The following NCOA1 variants were observed in gnomAD, a reference collection of about 807,000 sequenced individuals.
NCOA1 encodes nuclear receptor coactivator 1, also known as Hin-2 protein.
NCOA1 carries 35 observed loss-of-function variants against 150.9 expected under a neutral mutation model. The observed-to-expected ratio is 0.23, with a 90% CI of 0.18 to 0.31. The LOEUF (loss-of-function observed/expected upper bound fraction) is 0.31. Among genes scored for constraint, NCOA1 ranks in the 10% least tolerant of loss-of-function variants. The pLI is 1.00. For missense variants in NCOA1, 1,491 were observed against 1,749.3 expected (o/e 0.85, Z 2.63); for synonymous variants, 590 against 630.0 (o/e 0.94, Z 0.95).
At chr2:24,550,292 A>T (rs1665772957) in intron 1 of NCOA1, among the ~76,000 whole-genome samples, 1 of 152,176 alleles carries the variant, frequency 6.6e-6, no homozygotes, top group Non-Finnish European at 1.5e-5. Context: ...GAACCAACTT[A>T]CCATATTAGT....
chr2:24,728,416 C>T lies in NCOA1; in HGVS notation c.2826C>T (p.Gly942=), dbSNP rs757804347. The change falls in exon 16 of 23, where the codon GGC becomes GGT. Residue 942 remains glycine (G), a synonymous_variant. Transcript: ENST00000348332. ...LLEQLVSFLS[G]KDETELAELD... ...AACAGCTGGTATCCTTCCTTAGTGG[C>T]AAAGATGAAACTGAGCTAGCTGAAC... The T allele has an allele frequency of 6.2e-7, 1 of 1,613,794 alleles. No individual in the cohort carries two copies. Among genetic ancestry groups the T allele is most frequent in the South Asian group, 1.1e-5 (1 of 91,066 alleles).
chr2:24,747,977 A>G (rs886501631), intron 19 of NCOA1, among the ~76,000 whole-genome samples: 6 of 151,704 alleles, frequency 4.0e-5, no homozygotes, highest in African/African-American at 1.5e-4. Context: ...GTGGTGGCGC[A>G]TGCCTGTAAT....
At chr2:24,629,813 C>CATGCAT (rs1396224101) in intron 3 of NCOA1, among the ~76,000 whole-genome samples, 11 of 77,348 alleles carry the variant, frequency 1.4e-4, no homozygotes, top group Admixed American at 9.1e-4. Context: ...AAGTAACATA[C>CATGCAT]ATACATATAT....
rs1264187335 is a variant in NCOA1 at position 24,665,809 on chromosome 2, G to A, written c.150G>A (p.Leu50=). 3 of 1,604,906 alleles carry A rather than the reference G, an allele frequency of 1.9e-6. No homozygotes were observed. Among genetic ancestry groups the A allele is most frequent in the Non-Finnish European group, 2.6e-6 (3 of 1,175,396 alleles). The change falls in exon 6 of 23, where the codon CTG becomes CTA. Residue 50 remains leucine, a synonymous_variant. Coordinates refer to ENST00000348332, the MANE Select transcript of NCOA1 (RefSeq NM_003743.5). Reference sequence around the variant, plus strand: ...ATTTAGAAGAACTAGCTGAGTTACTGTCTGCCAACATTAGTGACATTGACA... The same window carrying A: ...ATTTAGAAGAACTAGCTGAGTTACTATCTGCCAACATTAGTGACATTGACA... ...NKYLEELAEL[L]SANISDIDSL...
intron 3 of NCOA1, among the ~76,000 whole-genome samples, chr2:24,623,462 G>A (rs1318180697): frequency 2.0e-5 from 3 of 152,100 alleles, no homozygotes; most frequent in Non-Finnish European, 4.4e-5. Context: ...CTGGGCTCCA[G>A]ATCTCTGTCT....
intron 3 of NCOA1, among the ~76,000 whole-genome samples, chr2:24,592,441 C>G (rs1667692987): frequency 6.6e-6 from 1 of 152,130 alleles, no homozygotes; most frequent in African/African-American, 2.4e-5. Context: ...GCTGAGAGAT[C>G]AAGCACCTTG....
intron 17 of NCOA1, among the ~76,000 whole-genome samples, chr2:24,739,132 GT>G (rs1287614224): frequency 6.6e-6 from 1 of 151,818 alleles, no homozygotes; most frequent in Non-Finnish European, 1.5e-5. Flanking sequence ...CTATTAACAT[GT>G]TTTTTTGTTG....
intron 1 of NCOA1, among the ~76,000 whole-genome samples, chr2:24,543,210 C>G (rs1026745989): frequency 6.6e-6 from 1 of 152,098 alleles, no homozygotes; most frequent in Non-Finnish European, 1.5e-5. Context: ...AGGGAGTGGG[C>G]ATGTACAAAG....
chr2:24,502,748 A>C (rs2148078136), intron 1 of NCOA1, among the ~76,000 whole-genome samples: 2 of 152,240 alleles, frequency 1.3e-5, no homozygotes, highest in Admixed American at 1.3e-4. Context: ...TTATTTTCCA[A>C]GGAATGTTCT....
At chr2:24,581,422 A>G (rs887706886) in intron 2 of NCOA1, among the ~76,000 whole-genome samples, 2 of 152,014 alleles carry the variant, frequency 1.3e-5, no homozygotes, top group Non-Finnish European at 2.9e-5. Flanking sequence ...TCCCTACTTC[A>G]CCTTTGCTGG....
chr2:24,539,295 T>C (rs1006516482), intron 1 of NCOA1, among the ~76,000 whole-genome samples: 1 of 152,044 alleles, frequency 6.6e-6, no homozygotes, highest in Non-Finnish European at 1.5e-5. Flanking sequence ...ATGCCTAGAA[T>C]ACTATAATAA....
intron 1 of NCOA1, among the ~76,000 whole-genome samples, chr2:24,519,836 G>A (rs1664349397): frequency 6.6e-6 from 1 of 151,878 alleles, no homozygotes; most frequent in Non-Finnish European, 1.5e-5. Flanking sequence ...GAAAGAACAA[G>A]CCATGTGTTG....
chr2:24,514,222 G>A (rs1664057088), intron 1 of NCOA1, among the ~76,000 whole-genome samples: 1 of 141,746 alleles, frequency 7.1e-6, no homozygotes, highest in Non-Finnish European at 1.5e-5. Context: ...GGAGGTGGAG[G>A]TTGCAGTGAG....
At chr2:24,537,805 A>G (rs1665224857) in intron 1 of NCOA1, among the ~76,000 whole-genome samples, 1 of 152,130 alleles carries the variant, frequency 6.6e-6, no homozygotes, top group African/African-American at 2.4e-5. Context: ...GTTTCTATCT[A>G]TCTATATATA....
chr2:24,555,992 T>C (rs1393943566), intron 1 of NCOA1: 1 of 152,250 alleles, frequency 6.6e-6, no homozygotes, highest in African/African-American at 2.4e-5. Flanking sequence ...TTGTTTATTT[T>C]TTCCTCTTTA....
chr2:24,726,415 C>T (rs968964676), intron 14 of NCOA1, among the ~76,000 whole-genome samples, 174 bp from the exon 15 acceptor site: 5 of 151,786 alleles, frequency 3.3e-5, no homozygotes, highest in African/African-American at 1.2e-4. Context: ...TTCTCATTTA[C>T]TTTTTTATTA....
At chr2:24,548,357 T>A (rs1665690373) in intron 1 of NCOA1, among the ~76,000 whole-genome samples, 1 of 152,228 alleles carries the variant, frequency 6.6e-6, no homozygotes, top group South Asian at 2.1e-4. Context: ...GACCTGCTCC[T>A]GTGATTCAAT....
intron 2 of NCOA1, among the ~76,000 whole-genome samples, chr2:24,566,839 C>G (rs141066231): frequency 2.0e-5 from 3 of 152,354 alleles, no homozygotes; most frequent in African/African-American, 4.8e-5. Context: ...GAGATTGGAG[C>G]AGGCGCTGGG....
intron 8 of NCOA1, among the ~76,000 whole-genome samples, chr2:24,689,680 C>T (rs1672572732): frequency 1.3e-5 from 2 of 152,212 alleles, no homozygotes; most frequent in Non-Finnish European, 2.9e-5. Flanking sequence ...CGTGAGCCGC[C>T]ACGCGTGGCA....
Sources: gnomAD v4.1 joint callset for allele counts (sites outside exome capture counted in the v4.1 genomes callset) on GRCh38, gnomAD v4.1.1 for gene constraint, MANE v1.5 for transcripts, NCBI Gene and HGNC (gene_info 2026-07-23, HGNC 2026-07-21) for gene names.